CADPS2: variants seen among roughly 807,000 people sequenced by gnomAD.
CADPS2 encodes the protein calcium-dependent secretion activator 2.
A neutral mutation model predicts 172.5 loss-of-function variants in CADPS2; 93 were observed. That is an observed-to-expected ratio of 0.54 (90% confidence interval 0.46 to 0.64). The LOEUF is 0.64. Ranked by LOEUF, CADPS2 falls within the 30% of genes least tolerant of loss-of-function variation. CADPS2 has a pLI of 0.00. For synonymous variants in CADPS2, 546 were observed against 555.2 expected (o/e 0.98, Z 0.23); for missense variants, 1,420 against 1,565.9 (o/e 0.91, Z 1.57).
intron 2 of CADPS2, among the ~76,000 whole-genome samples, chr7:122,678,291 G>A (rs746270685): frequency 1.3e-5 from 2 of 152,304 alleles, no homozygotes; most frequent in South Asian, 4.1e-4. Context: ...GTAATACAAT[G>A]TTATTAACTG....
At chr7:122,325,329 A>G in intron 29 of CADPS2, 148 bp downstream of exon 29, 1 of 528,970 alleles carries the variant, frequency 1.9e-6, no homozygotes, top group East Asian at 3.0e-5. Flanking sequence ...TTATTAATCT[A>G]ACTAAACGTG....
chr7:122,671,558 A>G lies in CADPS2; in HGVS notation c.454-7989T>C, dbSNP rs1453488703. ...CCAGCCTGGGTGACAGAGTAAGACC[A>G]TCGCTTAAAAAAAAAACTACTACTA... On this transcript the variant is annotated intron_variant, in intron 2 of 29. Transcript: ENST00000449022. Among the ~76,000 whole-genome samples, 3 of 152,042 alleles carry G rather than the reference A, an allele frequency of 2.0e-5. No homozygotes were observed. In the East Asian group the frequency reaches 5.8e-4, roughly 29 times the overall value.
intron 8 of CADPS2, among the ~76,000 whole-genome samples, chr7:122,513,848 T>C (rs188694924): frequency 6.6e-6 from 1 of 152,322 alleles, no homozygotes; most frequent in East Asian, 1.9e-4. Context: ...TTCTAAGGTC[T>C]CTGCTAGCTC....
intron 20 of CADPS2, among the ~76,000 whole-genome samples, chr7:122,399,677 T>C (rs1395446539): frequency 1.0e-4 from 4 of 39,110 alleles, no homozygotes; most frequent in Admixed American, 2.9e-4. Context: ...TTTTTTTTTT[T>C]TTTTTTTTTT....
At chr7:122,728,685 T>G (rs188934489) in intron 2 of CADPS2, among the ~76,000 whole-genome samples, 367 of 151,944 alleles carry the variant, frequency 2.4e-3, no homozygotes, top group Non-Finnish European at 3.6e-3. Flanking sequence ...CAGACACTTG[T>G]GCAACTGGAG....
At chr7:122,325,357 A>G in intron 29 of CADPS2, 120 bp downstream of exon 29, 1 of 628,430 alleles carries the variant, frequency 1.6e-6, no homozygotes, top group Non-Finnish European at 2.9e-6. Flanking sequence ...ACAGTAGCAC[A>G]TCATTGCTAA....
intron 7 of CADPS2, among the ~76,000 whole-genome samples, chr7:122,578,626 C>T (rs1309592165): frequency 2.6e-5 from 4 of 152,072 alleles, no homozygotes; most frequent in Admixed American, 6.6e-5. Flanking sequence ...GAACACCTGT[C>T]GGGCCTGCTA....
chr7:122,752,857 C>T (rs769738466), intron 1 of CADPS2, among the ~76,000 whole-genome samples: 4 of 152,046 alleles, frequency 2.6e-5, no homozygotes, highest in Non-Finnish European at 5.9e-5. Flanking sequence ...TAATTTTCCT[C>T]GTTTAGAAAT....
chr7:122,476,914 T>C (rs1444925865), intron 12 of CADPS2, among the ~76,000 whole-genome samples: 1 of 149,618 alleles, frequency 6.7e-6, no homozygotes. Context: ...TTCCATGAAT[T>C]TATGGAAGAA....
At chr7:122,364,972 T>C (rs1300673893) in intron 25 of CADPS2, among the ~76,000 whole-genome samples, 1 of 151,994 alleles carries the variant, frequency 6.6e-6, no homozygotes, top group African/African-American at 2.4e-5. Context: ...GGATATGGGG[T>C]CAGCTTCACT....
intron 2 of CADPS2, among the ~76,000 whole-genome samples, chr7:122,723,957 T>G (rs1405613907): frequency 1.4e-5 from 2 of 144,928 alleles, no homozygotes; most frequent in African/African-American, 5.2e-5. Flanking sequence ...ATGTTCTCAC[T>G]CATAGGTGAG....
Position 122,491,321 on chromosome 7 carries a change from G to T in CADPS2, c.1642C>A (p.Pro548Thr). ...LEGYTVDYTD[P>T]HPGLQGGCMF... ...TTCAATTAAGATTTACCTGGGTGGGGATCGGTATAATCCACAGTATAGCCT... is the reference window on the plus strand; with the variant it reads ...TTCAATTAAGATTTACCTGGGTGGGTATCGGTATAATCCACAGTATAGCCT... Residue 548 changes from proline (P) to threonine (T), a missense_variant, in exon 10 of 30, where the codon CCC becomes ACC. Pro to Thr is a conservative substitution (Grantham distance 38, BLOSUM62 -1). Coordinates refer to ENST00000449022, the MANE Select transcript of CADPS2 (RefSeq NM_017954.11). 2 of 1,598,876 alleles carry T rather than the reference G, an allele frequency of 1.3e-6. No homozygotes were observed. Among genetic ancestry groups the T allele is most frequent in the Non-Finnish European group, 1.7e-6 (2 of 1,171,710 alleles).
chr7:122,638,135 C>A (rs765191981), intron 3 of CADPS2, among the ~76,000 whole-genome samples: 1 of 152,134 alleles, frequency 6.6e-6, no homozygotes, highest in African/African-American at 2.4e-5. Flanking sequence ...TGATCACTGG[C>A]ACCACGTCCA....
chr7:122,419,228 C>G (rs2048280171), intron 17 of CADPS2, among the ~76,000 whole-genome samples: 1 of 152,086 alleles, frequency 6.6e-6, no homozygotes, highest in African/African-American at 2.4e-5. Flanking sequence ...ATCAATACCC[C>G]CAAATTTTTA....
chr7:122,491,151 A>C (rs942145406), intron 10 of CADPS2, among the ~76,000 whole-genome samples, 161 bp downstream of exon 10: 1 of 152,196 alleles, frequency 6.6e-6, no homozygotes, highest in Admixed American at 6.5e-5. Flanking sequence ...CAAGCCCTCC[A>C]AAAGAGATAA....
chr7:122,388,827 G>T, intron 22 of CADPS2, 89 bp from the exon 23 acceptor site: 1 of 1,184,962 alleles, frequency 8.4e-7, no homozygotes, highest in Non-Finnish European at 1.1e-6. Context: ...TGCATCAATT[G>T]CCATCAGTGA....
At chr7:122,670,259 T>C (rs1401072623) in intron 2 of CADPS2, among the ~76,000 whole-genome samples, 2 of 152,120 alleles carry the variant, frequency 1.3e-5, no homozygotes, top group Admixed American at 6.5e-5. Context: ...ATCGTCACCA[T>C]GGCCTCTGAG....
At chr7:122,836,424 T>C (rs1019025948) in intron 1 of CADPS2, among the ~76,000 whole-genome samples, 4 of 151,618 alleles carry the variant, frequency 2.6e-5, no homozygotes, top group African/African-American at 4.8e-5. Context: ...AATTCACACA[T>C]AACAATATTA....
intron 1 of CADPS2, among the ~76,000 whole-genome samples, chr7:122,774,917 C>G (rs912597669): frequency 1.3e-5 from 2 of 152,290 alleles, no homozygotes; most frequent in Middle Eastern, 3.4e-3. Flanking sequence ...TATATAACCA[C>G]TCAAGCTTTT....
Sources: gnomAD v4.1 joint callset for allele counts (sites outside exome capture counted in the v4.1 genomes callset) on GRCh38, gnomAD v4.1.1 for gene constraint, MANE v1.5 for transcripts, NCBI Gene and HGNC (gene_info 2026-07-23, HGNC 2026-07-21) for gene names.